Variants in DAG1 observed in about 807,000 individuals in gnomAD.
DAG1 encodes dystroglycan 1.
A neutral mutation model predicts 46.1 loss-of-function variants in DAG1; 8 were observed. The observed-to-expected ratio is 0.17, with a 90% CI of 0.10 to 0.31. DAG1 has a LOEUF of 0.31. Among genes scored for constraint, DAG1 ranks in the 10% least tolerant of loss-of-function variants. The pLI, the probability that DAG1 is intolerant of heterozygous loss-of-function variation, is 1.00. For synonymous variants in DAG1, 495 were observed against 481.8 expected (o/e 1.03, Z -0.36); for missense variants, 1,003 against 1,189.9 (o/e 0.84, Z 2.31).
At chr3:49,473,971 C>G (rs951908522) in intron 1 of DAG1, among the ~76,000 whole-genome samples, 15 of 151,748 alleles carry the variant, frequency 9.9e-5, no homozygotes, top group Non-Finnish European at 2.1e-4. Context: ...GCAGCCTCGA[C>G]CAGCCTCCCT....
At chr3:49,471,537 G>C (rs1234768070) in intron 1 of DAG1, among the ~76,000 whole-genome samples, 3 of 151,038 alleles carry the variant, frequency 2.0e-5, no homozygotes, top group Non-Finnish European at 4.4e-5. Flanking sequence ...AACTTTTGTG[G>C]GTTTTTTTTG....
intron 2 of DAG1, among the ~76,000 whole-genome samples, chr3:49,514,238 C>G (rs1274625560): frequency 1.3e-5 from 2 of 152,124 alleles, no homozygotes; most frequent in Middle Eastern, 3.4e-3. Flanking sequence ...GTTTCTGCAT[C>G]TGTAAAGCAG....
At chr3:49,516,621 T>G (rs887062286) in intron 2 of DAG1, among the ~76,000 whole-genome samples, 2 of 152,236 alleles carry the variant, frequency 1.3e-5, no homozygotes, top group Non-Finnish European at 2.9e-5. Flanking sequence ...TATTGTGGTG[T>G]TCAAATTGTC....
intron 1 of DAG1, among the ~76,000 whole-genome samples, chr3:49,478,438 T>TA (rs57121601): frequency 0.034 from 4,063 of 119,324 alleles, 261 homozygotes; most frequent in African/African-American, 0.12. Flanking sequence ...CTACAAAAAA[T>TA]AAAAAAAAAA....
chr3:49,474,426 A>G (rs191351574), intron 1 of DAG1, among the ~76,000 whole-genome samples: 1 of 151,684 alleles, frequency 6.6e-6, no homozygotes, highest in East Asian at 1.9e-4. Flanking sequence ...GCTCACTGCA[A>G]CCTCTGCCCC....
In DAG1 at chr3:49,489,396, A is replaced by G. The variant is rs564550366; in HGVS notation, c.-117+18963A>G. ...TGTGAGCCACCGTGCCTGGCCCTTGAATTACTTTTATTGCATTAAGTCAAA... is the reference window on the plus strand; with the variant it reads ...TGTGAGCCACCGTGCCTGGCCCTTGGATTACTTTTATTGCATTAAGTCAAA... On this transcript the variant is annotated intron_variant, in intron 1 of 2. Transcript: ENST00000308775. Among the ~76,000 whole-genome samples the G allele has an allele frequency of 8.5e-5, 13 of 152,182 alleles. No individual in the cohort carries two copies. In the South Asian group the frequency reaches 2.7e-3, roughly 32 times the overall value.
At chr3:49,490,736 A>G (rs1224753407) in intron 1 of DAG1, among the ~76,000 whole-genome samples, 1 of 151,450 alleles carries the variant, frequency 6.6e-6, no homozygotes, top group Non-Finnish European at 1.5e-5. Flanking sequence ...TGCTGGCCTA[A>G]TTTTGTATTT....
intron 1 of DAG1, among the ~76,000 whole-genome samples, chr3:49,476,582 T>C (rs146738258): frequency 6.6e-6 from 1 of 152,332 alleles, no homozygotes; most frequent in Non-Finnish European, 1.5e-5. Flanking sequence ...TTCTCAGTTA[T>C]ACCTTTTTGA....
rs77354079 is a variant in DAG1, at chr3:49,504,451, G to A, written c.-116-5968G>A. On this transcript the variant is annotated intron_variant, in intron 1 of 2. Transcript: ENST00000308775. ...TTGTTGAAAAGGCAATTTTTTCCCC[G>A]TTGAATTGCTTTTGCATTGTTGTCA... 8.2e-3 allele frequency among the ~76,000 whole-genome samples: 1,245 copies of A among 151,390 alleles called. 9 individuals carry two copies. The highest frequency in any genetic ancestry group is 0.013 in the South Asian group (64 of 4,798).
intron 2 of DAG1, among the ~76,000 whole-genome samples, chr3:49,516,589 A>G (rs375777759): frequency 4.6e-5 from 7 of 152,188 alleles, no homozygotes; most frequent in East Asian, 1.9e-4. Context: ...CTAATATTCA[A>G]TAGTTTATTG....
intron 1 of DAG1, among the ~76,000 whole-genome samples, chr3:49,483,229 G>A (rs940503189): frequency 6.9e-6 from 1 of 145,790 alleles, no homozygotes; most frequent in Non-Finnish European, 1.5e-5. Context: ...TTTTGAGACA[G>A]TTTTAGTCTT....
At chr3:49,521,179 T>C (rs949094374) in intron 2 of DAG1, among the ~76,000 whole-genome samples, 2 of 152,168 alleles carry the variant, frequency 1.3e-5, no homozygotes, top group Non-Finnish European at 2.9e-5. Context: ...TGTTGTTGTT[T>C]TTTGAGACAG....
intron 1 of DAG1, among the ~76,000 whole-genome samples, chr3:49,497,576 T>A (rs1261974540): frequency 6.6e-6 from 1 of 151,948 alleles, no homozygotes; most frequent in East Asian, 1.9e-4. Flanking sequence ...TGTACCACTG[T>A]ACTCCACCCT....
chr3:49,469,337 C>T (rs1016354485), upstream of DAG1, among the ~76,000 whole-genome samples: 1 of 152,214 alleles, frequency 6.6e-6, no homozygotes, highest in African/African-American at 2.4e-5. Context: ...TTCCCAGACC[C>T]ATCCGGTAAC....
chr3:49,500,879 C>A (rs2050430585), intron 1 of DAG1, among the ~76,000 whole-genome samples: 1 of 152,096 alleles, frequency 6.6e-6, no homozygotes, highest in African/African-American at 2.4e-5. Flanking sequence ...TGTAGCGTCT[C>A]TATCTGAATG....
At chr3:49,491,749 T>C (rs938958730) in intron 1 of DAG1, among the ~76,000 whole-genome samples, 6 of 152,182 alleles carry the variant, frequency 3.9e-5, no homozygotes, top group African/African-American at 1.4e-4. Flanking sequence ...GTGCTAGGAT[T>C]ACAGGCGTGA....
chr3:49,482,298 CCT>C (rs1324082256), intron 1 of DAG1, among the ~76,000 whole-genome samples: 1 of 152,132 alleles, frequency 6.6e-6, no homozygotes, highest in East Asian at 1.9e-4. Flanking sequence ...ATGAGAAAGA[CCT>C]GACCTTCCCC....
chr3:49,507,286 G>C (rs546541505), intron 1 of DAG1, among the ~76,000 whole-genome samples: 11 of 152,190 alleles, frequency 7.2e-5, no homozygotes, highest in South Asian at 4.1e-4. Context: ...TTCAGGGTCA[G>C]GCGTGGTGGC....
At chr3:49,476,746 G>A (rs2049693111) in intron 1 of DAG1, 1 of 152,160 alleles carries the variant, frequency 6.6e-6, no homozygotes, top group Admixed American at 6.6e-5. Flanking sequence ...GTGTGGGCAG[G>A]AGACTCAGTG....
Sources: allele counts gnomAD v4.1 joint callset (sites outside exome capture counted in the v4.1 genomes callset), GRCh38; gene constraint gnomAD v4.1.1; transcripts MANE v1.5; gene names NCBI Gene and HGNC (gene_info 2026-07-23, HGNC 2026-07-21).